Variants in CBR1 observed in about 807,000 individuals in gnomAD.
The protein encoded by CBR1 is carbonyl reductase [NADPH] 1.
A neutral mutation model predicts 10.6 loss-of-function variants in CBR1; 11 were observed. That is an observed-to-expected ratio of 1.03 (90% CI 0.65 to 1.71). The LOEUF (loss-of-function observed/expected upper bound fraction) is 1.71. Ranked by LOEUF, CBR1 falls within the 40% of genes most tolerant of loss-of-function variation. The probability of loss-of-function intolerance (pLI) is 0.00; values close to 1 mark genes in which losing one functional copy is unlikely to be tolerated. For synonymous variants in CBR1, 158 were observed against 156.7 expected, an observed-to-expected ratio of 1.01 and a Z score of -0.06; for missense variants, 361 against 368.6, an observed-to-expected ratio of 0.98 and a Z score of 0.17.
chr21:36,070,397 C>G lies in CBR1; in HGVS notation c.282C>G (p.Ala94=), dbSNP rs1165277825. ...LDVLVNNAGI[A]FKVADPTPFH... is the part of the protein sequence containing the mutation. Reference sequence around the variant, plus strand: ...TGCTGGTCAACAACGCGGGCATCGCCTTCAAGGGTATGGGGAGGGGACGTG... The same window carrying G: ...TGCTGGTCAACAACGCGGGCATCGCGTTCAAGGGTATGGGGAGGGGACGTG... The change falls in exon 1 of 3, where the codon GCC becomes GCG. Residue 94 remains alanine (A), a synonymous_variant. Transcript: ENST00000290349. The G allele has an allele frequency of 6.2e-7, 1 of 1,603,798 alleles. No homozygotes were observed. Among genetic ancestry groups the G allele is most frequent in the African/African-American group, 1.3e-5 (1 of 74,832 alleles).
At chr21:36,071,270 CTGG>C in intron 2 of CBR1, 2 of 685,008 alleles carry the variant, frequency 2.9e-6, no homozygotes, top group Non-Finnish European at 5.4e-6. Context: ...CCCTGTCGCA[CTGG>C]TCTTTGCACA....
chr21:36,070,554 C>T, intron 1 of CBR1, 150 bp downstream of exon 1: 4 of 745,468 alleles, frequency 5.4e-6, no homozygotes, highest in Non-Finnish European at 8.1e-6. Flanking sequence ...GAGAGTTTTC[C>T]AGCCAAAGGG....
chr21:36,072,347 A>G (rs1313085001), intron 2 of CBR1, 99 bp from the exon 3 acceptor site: 3 of 1,605,944 alleles, frequency 1.9e-6, no homozygotes, highest in South Asian at 2.2e-5. Flanking sequence ...TGTCTCTCAT[A>G]TGAAAATTTT....
intron 2 of CBR1, chr21:36,072,166 C>T: frequency 6.5e-7 from 1 of 1,548,428 alleles, no homozygotes; most frequent in Non-Finnish European, 8.7e-7. Flanking sequence ...TCCTGTCGTC[C>T]TGTTAAGTTG....
intron 1 of CBR1, 71 bp from the exon 2 acceptor site, chr21:36,070,879 T>TAGTATCATTG: frequency 1.1e-6 from 1 of 903,902 alleles, no homozygotes; most frequent in Admixed American, 2.6e-5. Context: ...TTTTTTTTTT[T>TAGTATCATTG]TAGTATCATT....
chr21:36,071,008 T>C lies in CBR1; in HGVS notation c.348T>C (p.Phe116=). 1.9e-6 allele frequency: 3 copies of C among 1,614,020 alleles called. No individual in the cohort carries two copies. The highest frequency in any genetic ancestry group is 2.5e-6 in the Non-Finnish European group (3 of 1,179,960). Residue 116 remains phenylalanine, a synonymous_variant, in exon 2 of 3, where the codon TTT becomes TTC. Transcript: ENST00000290349. ...AAGTGACGATGAAAACAAATTTCTT[T>C]GGTACCCGAGATGTGTGCACAGAAT... The part of the protein sequence containing the change: ...QAEVTMKTNF[F]GTRDVCTELL...
chr21:36,071,677 A>G, intron 2 of CBR1: 1 of 642,138 alleles, frequency 1.6e-6, no homozygotes. Flanking sequence ...ACTAGGTCCT[A>G]GGAGTTGTGC....
chr21:36,070,238 G>T lies in CBR1; in HGVS notation c.123G>T (p.Thr41=), dbSNP rs375697371. The change falls in exon 1 of 3, where the codon ACG becomes ACT. Residue 41 remains threonine (T), a synonymous_variant. Coordinates refer to ENST00000290349, the MANE Select transcript of CBR1 (RefSeq NM_001757.4). ...GDVVLTARDV[T]RGQAAVQQLQ... ...TGGTGCTCACGGCGCGGGACGTGAC[G>T]CGGGGCCAGGCGGCCGTACAGCAGC... The T allele has an allele frequency of 2.0e-5, 32 of 1,610,226 alleles. No homozygotes were observed. The African/African-American group carries it at 2.7e-4, about 13-fold the overall frequency.
At chr21:36,070,741 T>G (rs1050557790) in intron 1 of CBR1, among the ~76,000 whole-genome samples, 2 of 152,076 alleles carry the variant, frequency 1.3e-5, no homozygotes, top group Admixed American at 1.3e-4. Context: ...TTCATCCTCC[T>G]TCCCCCAATG....
At chr21:36,072,358 C>G in intron 2 of CBR1, 88 bp from the exon 3 acceptor site, 1 of 1,610,184 alleles carries the variant, frequency 6.2e-7, no homozygotes, top group Non-Finnish European at 8.5e-7. Flanking sequence ...TGAAAATTTT[C>G]TGCTCCAAAA....
At position 36,070,286 on chromosome 21, in the gene CBR1, G is replaced by C. The variant is rs11542167; in HGVS notation, c.171G>C (p.Pro57=). 17 of 1,612,566 alleles carry C rather than the reference G, an allele frequency of 1.1e-5. No individual in the cohort carries two copies. The highest frequency in any genetic ancestry group is 1.4e-5 in the Non-Finnish European group (16 of 1,179,914). The change falls in exon 1 of 3, where the codon CCG becomes CCC. Residue 57 remains proline (P), a synonymous_variant. Transcript: ENST00000290349. The stretch of plus-strand genomic sequence containing the variant: ...AGCTGCAGGCGGAGGGCCTGAGCCC[G>C]CGCTTCCACCAGCTGGACATCGACG... ...VQQLQAEGLS[P]RFHQLDIDDL...
At chr21:36,070,907 A>G (rs767375288) in intron 1 of CBR1, 43 bp from the exon 2 acceptor site, 1 of 1,184,870 alleles carries the variant, frequency 8.4e-7, no homozygotes, top group Non-Finnish European at 1.2e-6. Context: ...ATTTTACCCC[A>G]TGGGTACAAT....
Position 36,070,298 on chromosome 21 carries a change from G to C in CBR1, c.183G>C (p.Gln61His), listed in dbSNP as rs41540715. 2 of 1,613,094 alleles carry C rather than the reference G, an allele frequency of 1.2e-6. No individual in the cohort carries two copies. The highest frequency in any genetic ancestry group is 2.2e-5 in the East Asian group (1 of 44,866). ...AGGGCCTGAGCCCGCGCTTCCACCA[G>C]CTGGACATCGACGATCTGCAGAGCA... The part of the protein sequence containing the change: ...QAEGLSPRFH[Q>H]LDIDDLQSIR... The change falls in exon 1 of 3, where the codon CAG (glutamine) becomes CAC (histidine). Residue 61 changes from glutamine to histidine, a missense_variant. By Grantham distance (24) the Gln-to-His change is conservative. Transcript: ENST00000290349.
chr21:36,071,091 T>C, intron 2 of CBR1, 34 bp downstream of exon 2: 1 of 1,438,110 alleles, frequency 7.0e-7, no homozygotes, highest in Non-Finnish European at 9.8e-7. Context: ...ACCTTCTCTT[T>C]GGGGCTTGAT....
At position 36,072,968 on chromosome 21, in the gene CBR1, C is replaced by A; in HGVS notation, c.*86C>A. ...GGGCATTTACAATGTCATAAATATC[C>A]TTATATAAGAAAAAAAATGATCTCT... On this transcript the variant is annotated 3_prime_UTR_variant, in exon 3 of 3. Coordinates refer to ENST00000290349, the MANE Select transcript of CBR1 (RefSeq NM_001757.4). 1.1e-6 allele frequency: 1 copy of A among 880,478 alleles called. No individual in the cohort carries two copies. Among genetic ancestry groups the A allele is most frequent in the Non-Finnish European group, 1.7e-6 (1 of 583,828 alleles). 54.5% of individuals were successfully genotyped at this position (880,478 alleles called of 1,614,324 possible).
rs1223191674 is a variant in CBR1 at position 36,070,131 on chromosome 21, C to T, written c.16C>T (p.His6Tyr). 6.5e-7 allele frequency: 1 copy of T among 1,535,726 alleles called. No individual in the cohort carries two copies. Among genetic ancestry groups the T allele is most frequent in the African/African-American group, 1.4e-5 (1 of 72,720 alleles). Residue 6 changes from histidine to tyrosine, a missense_variant, in exon 1 of 3, where the codon CAT becomes TAT. Coordinates refer to ENST00000290349, the MANE Select transcript of CBR1 (RefSeq NM_001757.4). ...CCGTTCAGCCATGTCGTCCGGCATCCATGTAGCGCTGGTGACTGGAGGCAA... is the reference window on the plus strand; with the variant it reads ...CCGTTCAGCCATGTCGTCCGGCATCTATGTAGCGCTGGTGACTGGAGGCAA... The part of the protein sequence containing the change: MSSGI[H>Y]VALVTGGNKG...
In CBR1 at chr21:36,072,588, G is replaced by A. The variant is rs758328503; in HGVS notation, c.540G>A (p.Lys180=). The A allele has an allele frequency of 2.5e-6, 4 of 1,603,090 alleles. No individual in the cohort carries two copies. The East Asian group carries it at 6.7e-5, about 27-fold the overall frequency. ...TGAACAAGTTTGTGGAGGATACAAAGAAGGGAGTGCACCAGAAGGAGGGCT... is the reference window on the plus strand; with the variant it reads ...TGAACAAGTTTGTGGAGGATACAAAAAAGGGAGTGCACCAGAAGGAGGGCT... ...GLMNKFVEDT[K]KGVHQKEGWP... The change falls in exon 3 of 3, where the codon AAG becomes AAA. Residue 180 remains lysine, a synonymous_variant. Transcript: ENST00000290349.
At chr21:36,070,557 C>T in intron 1 of CBR1, 153 bp downstream of exon 1, 1 of 724,616 alleles carries the variant, frequency 1.4e-6, no homozygotes, top group Non-Finnish European at 2.1e-6. Flanking sequence ...AGTTTTCCAG[C>T]CAAAGGGAAC....
chr21:36,070,105 C>T lies in CBR1; in HGVS notation c.-11C>T, dbSNP rs1345911393. ...TTCTCCACGCAGGTGTTCCGCGCGCCCCGTTCAGCCATGTCGTCCGGCATC... is the reference window on the plus strand; with the variant it reads ...TTCTCCACGCAGGTGTTCCGCGCGCTCCGTTCAGCCATGTCGTCCGGCATC... On this transcript the variant is annotated 5_prime_UTR_variant, in exon 1 of 3. Coordinates refer to ENST00000290349, the MANE Select transcript of CBR1 (RefSeq NM_001757.4). 3 of 1,489,712 alleles carry T rather than the reference C, an allele frequency of 2.0e-6. No individual in the cohort carries two copies. The South Asian group carries it at 4.0e-5, about 20-fold the overall frequency. The allele number at this position is 1,489,712 out of a possible 1,614,324, so 92.3% of individuals were successfully genotyped here.
Sources: gnomAD v4.1 joint callset for allele counts (sites outside exome capture counted in the v4.1 genomes callset) on GRCh38, gnomAD v4.1.1 for gene constraint, MANE v1.5 for transcripts, NCBI Gene and HGNC (gene_info 2026-07-23, HGNC 2026-07-21) for gene names.